AP4E1: variants seen among roughly 807,000 people sequenced by gnomAD.
The protein encoded by AP4E1 is adaptor related protein complex 4 subunit epsilon 1.
Under a neutral mutation model 128.2 loss-of-function variants are expected in AP4E1, and 56 were observed. The ratio of observed to expected loss-of-function variants is 0.44; its 90% confidence interval spans 0.35 to 0.55. The LOEUF (loss-of-function observed/expected upper bound fraction) is 0.55. Ranked by LOEUF, AP4E1 falls within the 20% of genes least tolerant of loss-of-function variation. AP4E1 has a pLI of 0.00. For synonymous variants in AP4E1, 484 were observed against 473.1 expected, an observed-to-expected ratio of 1.02 and a Z score of -0.30; for missense variants, 1,324 against 1,307.7, an observed-to-expected ratio of 1.01 and a Z score of -0.19.
At chr15:50,967,701 A>G (rs1248378345) in intron 14 of AP4E1, among the ~76,000 whole-genome samples, 1 of 152,232 alleles carries the variant, frequency 6.6e-6, no homozygotes, top group Non-Finnish European at 1.5e-5. Context: ...TCAAAAATAT[A>G]TTCTCCACTG....
intron 14 of AP4E1, among the ~76,000 whole-genome samples, chr15:50,963,729 A>G (rs1420134589): frequency 6.6e-6 from 1 of 152,246 alleles, no homozygotes; most frequent in East Asian, 1.9e-4. Flanking sequence ...TGTTCCCAAC[A>G]CAAATGATAA....
rs202145123 is a variant in AP4E1 at position 50,942,896 on chromosome 15, T to A, written c.1176+1121T>A. Among the ~76,000 whole-genome samples, 11 of 152,190 alleles carry A rather than the reference T, an allele frequency of 7.2e-5. No individual in the cohort carries two copies. In the East Asian group the frequency reaches 1.2e-3, roughly 16 times the overall value. Reference sequence around the variant, plus strand: ...TAGCAAAGATTTAAAAAGAATTTTTTAAATAATTTTAGATTCAGGGGATAC... The same window carrying A: ...TAGCAAAGATTTAAAAAGAATTTTTAAAATAATTTTAGATTCAGGGGATAC... On this transcript the variant is annotated intron_variant, in intron 10 of 20. Transcript: ENST00000261842.
At chr15:50,928,067 G>T (rs2063789242) in intron 5 of AP4E1, among the ~76,000 whole-genome samples, 2 of 152,092 alleles carry the variant, frequency 1.3e-5, no homozygotes, top group African/African-American at 2.4e-5. Flanking sequence ...CAGATGAAGT[G>T]CAAAACTAGT....
At chr15:50,923,453 A>T (rs2063731105) in intron 3 of AP4E1, among the ~76,000 whole-genome samples, 1 of 152,168 alleles carries the variant, frequency 6.6e-6, no homozygotes, top group South Asian at 2.1e-4. Context: ...TTAATATATG[A>T]TTTACATCAT....
At position 51,005,431 on chromosome 15, in the gene AP4E1, G is replaced by C. The variant is rs1412257049; in HGVS notation, c.*2769G>C. On this transcript the variant is annotated 3_prime_UTR_variant, in exon 21 of 21. Coordinates refer to ENST00000261842, the MANE Select transcript of AP4E1 (RefSeq NM_007347.5). The stretch of plus-strand genomic sequence containing the variant: ...AGAATAGTCCCTGTGGAGGCAGGCA[G>C]ATCAGAGCTCAGGGTTTGAAAGTGG... 2 of 152,676 alleles carry C rather than the reference G, an allele frequency of 1.3e-5. No homozygotes were observed. The highest frequency in any genetic ancestry group is 2.9e-5 in the Non-Finnish European group (2 of 68,084). 9.5% of individuals were successfully genotyped at this position (152,676 alleles called of 1,614,324 possible).
intron 3 of AP4E1, among the ~76,000 whole-genome samples, chr15:50,916,472 A>G (rs1176269967): frequency 6.6e-6 from 1 of 152,244 alleles, no homozygotes; most frequent in Non-Finnish European, 1.5e-5. Flanking sequence ...GTTCAACTTT[A>G]TATCAGAATC....
In AP4E1 at chr15:50,948,083, C is replaced by T. The variant is rs757687254; in HGVS notation, c.1240C>T (p.Leu414Phe). 1 of 1,613,400 alleles carries T rather than the reference C, an allele frequency of 6.2e-7. No individual in the cohort carries two copies. The highest frequency in any genetic ancestry group is 8.5e-7 in the Non-Finnish European group (1 of 1,179,510). The change falls in exon 11 of 21, where the codon CTT becomes TTT. Residue 414 changes from leucine to phenylalanine, a missense_variant. Leu to Phe is a conservative substitution (Grantham distance 22, BLOSUM62 0). Coordinates refer to ENST00000261842, the MANE Select transcript of AP4E1 (RefSeq NM_007347.5). ...QNITVIVQKM[L>F]EYLHQSKEEY... The stretch of plus-strand genomic sequence containing the variant: ...TATAACAGTTATTGTCCAGAAAATG[C>T]TTGAATATTTACATCAGAGCAAAGA...
intron 15 of AP4E1, among the ~76,000 whole-genome samples, chr15:50,983,537 A>T (rs979046103): frequency 6.6e-6 from 1 of 152,210 alleles, no homozygotes; most frequent in African/African-American, 2.4e-5. Context: ...TGAATTAATT[A>T]GGTTATACAG....
intron 10 of AP4E1, among the ~76,000 whole-genome samples, chr15:50,942,425 A>G (rs2064000248): frequency 6.6e-6 from 1 of 152,020 alleles, no homozygotes; most frequent in African/African-American, 2.4e-5. Context: ...TTATTGTACA[A>G]TTTAAGATGC....
chr15:50,934,616 T>G lies in AP4E1; in HGVS notation c.870-8T>G. 6.3e-7 allele frequency: 1 copy of G among 1,595,648 alleles called. No homozygotes were observed. The highest frequency in any genetic ancestry group is 1.1e-5 in the South Asian group (1 of 90,408). On this transcript the variant is annotated splice_region_variant and splice_polypyrimidine_tract_variant and intron_variant, in intron 7 of 20. Coordinates refer to ENST00000261842, the MANE Select transcript of AP4E1 (RefSeq NM_007347.5). The stretch of plus-strand genomic sequence containing the variant: ...AATTCTACTGCAAATAAAATATCTT[T>G]TAAACAGGACAAGTGAATTAATGTA...
chr15:50,945,346 G>C, intron 10 of AP4E1: 1 of 780,048 alleles, frequency 1.3e-6, no homozygotes, highest in South Asian at 1.3e-5. Flanking sequence ...CATGAGGCAA[G>C]CTACTCCTTT....
chr15:50,949,939 GTTGGTACACTATTATAT>G lies in AP4E1; in HGVS notation c.1429+3_1429+19del. 2.5e-6 allele frequency: 4 copies of G among 1,608,012 alleles called. No homozygotes were observed. The highest frequency in any genetic ancestry group is 3.4e-6 in the Non-Finnish European group (4 of 1,174,548). On this transcript the variant is annotated splice_donor_variant and splice_donor_5th_base_variant and intron_variant, in intron 12 of 20. Coordinates refer to ENST00000261842, the MANE Select transcript of AP4E1 (RefSeq NM_007347.5). LOFTEE classifies it high-confidence loss of function. ...AACTTTCTGAGACTACTAGCGGAAG[GTTGGTACACTATTATAT>G]TCTGTAAAGTAAACATTTTAAAGTT...
intron 7 of AP4E1, 33 bp downstream of exon 7, chr15:50,931,004 C>T (rs116999645): frequency 6.2e-7 from 1 of 1,610,716 alleles, no homozygotes; most frequent in Non-Finnish European, 8.5e-7. Context: ...GCTTAATGAC[C>T]CCCATACCAG....
chr15:50,985,750 C>T (rs1029014951), intron 16 of AP4E1, among the ~76,000 whole-genome samples: 1 of 152,164 alleles, frequency 6.6e-6, no homozygotes, highest in African/African-American at 2.4e-5. Flanking sequence ...AGAGTGATGC[C>T]TCCAGCTTTG....
rs755318941 is a variant in AP4E1 at position 50,948,029 on chromosome 15, C to T, written c.1186C>T (p.Leu396Phe). 1.0e-5 allele frequency: 16 copies of T among 1,601,562 alleles called. No homozygotes were observed. Among genetic ancestry groups the T allele is most frequent in the African/African-American group, 1.3e-5 (1 of 74,636 alleles). Reference protein sequence around the residue: ...DPIIKRETLELLYRITNAQNI... With the variant: ...DPIIKRETLEFLYRITNAQNI... ...TTTCTTCTTTAAATAGACTCTGGAA[C>T]TTCTTTACAGAATTACTAATGCACA... The change falls in exon 11 of 21, where the codon CTT becomes TTT. Residue 396 changes from leucine to phenylalanine, a missense_variant. By Grantham distance (22) the Leu-to-Phe change is conservative. Coordinates refer to ENST00000261842, the MANE Select transcript of AP4E1 (RefSeq NM_007347.5).
intron 3 of AP4E1, chr15:50,915,790 T>G (rs2063623529): frequency 1.8e-6 from 1 of 543,300 alleles, no homozygotes; most frequent in Admixed American, 3.2e-5. Flanking sequence ...ACTAAAGATT[T>G]CTTGCTCTTG....
rs753791503 is a variant in AP4E1 at position 50,997,671 on chromosome 15, A to G, written c.2692A>G (p.Lys898Glu). ...PPQSTAASVAKESSLASSFLE... is the reference protein window; with the variant it reads ...PPQSTAASVAEESSLASSFLE... The stretch of plus-strand genomic sequence containing the variant: ...TCAATCTACTGCAGCCTCAGTTGCC[A>G]AGGAAAGCTCTTTAGCTTCATCTTT... The change falls in exon 18 of 21, where the codon AAG (lysine) becomes GAG (glutamate). Residue 898 changes from lysine to glutamate, a missense_variant. Coordinates refer to ENST00000261842, the MANE Select transcript of AP4E1 (RefSeq NM_007347.5). 9 of 1,613,942 alleles carry G rather than the reference A, an allele frequency of 5.6e-6. No homozygotes were observed. The highest frequency in any genetic ancestry group is 7.6e-6 in the Non-Finnish European group (9 of 1,179,996).
intron 15 of AP4E1, among the ~76,000 whole-genome samples, chr15:50,975,401 ATCTCTT>A (rs1263223104): frequency 6.6e-6 from 1 of 152,150 alleles, no homozygotes; most frequent in East Asian, 1.9e-4. Context: ...GCAAAACTTC[ATCTCTT>A]TCTATGAGTT....
chr15:50,965,791 G>A (rs1232603365), intron 14 of AP4E1, among the ~76,000 whole-genome samples: 1 of 152,068 alleles, frequency 6.6e-6, no homozygotes, highest in Non-Finnish European at 1.5e-5. Flanking sequence ...TCACCATTTT[G>A]GAGCTTGATC....
Sources: allele counts gnomAD v4.1 joint callset (sites outside exome capture counted in the v4.1 genomes callset), GRCh38; gene constraint gnomAD v4.1.1; transcripts MANE v1.5; gene names NCBI Gene and HGNC (gene_info 2026-07-23, HGNC 2026-07-21).